Variants in NTAQ1 observed in about 807,000 individuals in gnomAD.
The protein encoded by NTAQ1 is protein N-terminal glutamine amidohydrolase.
In NTAQ1, 21 loss-of-function variants were observed where a neutral mutation model predicts 28.2. The ratio of observed to expected loss-of-function variants is 0.74; its 90% confidence interval spans 0.53 to 1.07. The LOEUF (loss-of-function observed/expected upper bound fraction) is 1.07. Ranked by LOEUF, NTAQ1 falls within the 50% of genes least tolerant of loss-of-function variation. The pLI is 0.00. For missense variants in NTAQ1, 264 were observed against 256.6 expected (o/e 1.03, Z -0.20); for synonymous variants, 105 against 90.0 (o/e 1.17, Z -0.94).
At chr8:123,460,741 G>T (rs183746465) in intron 6 of NTAQ1, among the ~76,000 whole-genome samples, 1 of 152,330 alleles carries the variant, frequency 6.6e-6, no homozygotes, top group African/African-American at 2.4e-5. Context: ...ACCAGCTGGG[G>T]GAGACCTGCA....
intron 1 of NTAQ1, among the ~76,000 whole-genome samples, chr8:123,424,570 C>T (rs13274120): frequency 0.36 from 55,049 of 151,798 alleles, 10,101 homozygotes; most frequent in East Asian, 0.56. Flanking sequence ...AATAGGGTTT[C>T]GTCATGTTGG....
At chr8:123,431,204 G>T (rs1385003070) in intron 3 of NTAQ1, among the ~76,000 whole-genome samples, 1 of 152,080 alleles carries the variant, frequency 6.6e-6, no homozygotes, top group African/African-American at 2.4e-5. Flanking sequence ...GGGTGTGATG[G>T]CGTGTGCCTG....
At chr8:123,469,503 C>A (rs546107818) in exon 7 of NTAQ1, among the ~76,000 whole-genome samples, 3 of 152,138 alleles carry the variant, frequency 2.0e-5, no homozygotes, top group Non-Finnish European at 2.9e-5. Flanking sequence ...TTGTCTTCTC[C>A]CTTCTAATGT....
downstream of NTAQ1, among the ~76,000 whole-genome samples, chr8:123,446,492 C>T (rs1436791696): frequency 2.6e-5 from 4 of 152,210 alleles, no homozygotes; most frequent in Non-Finnish European, 4.4e-5. Context: ...TAAAACTTTG[C>T]AAAACCTGGG....
chr8:123,452,270 A>C (rs1030026878), downstream of NTAQ1, among the ~76,000 whole-genome samples: 1 of 152,226 alleles, frequency 6.6e-6, no homozygotes, highest in African/African-American at 2.4e-5. Context: ...TGAGCTTTAC[A>C]GCAGGTATCT....
chr8:123,436,269 C>T (rs888499931), intron 3 of NTAQ1, among the ~76,000 whole-genome samples, 184 bp from the exon 4 acceptor site: 7 of 151,644 alleles, frequency 4.6e-5, no homozygotes, highest in Non-Finnish European at 1.0e-4. Context: ...AACCATTTCC[C>T]TATCTGTGGA....
intron 6 of NTAQ1, among the ~76,000 whole-genome samples, chr8:123,453,829 A>G (rs1815574105): frequency 6.6e-6 from 1 of 152,202 alleles, no homozygotes; most frequent in African/African-American, 2.4e-5. Context: ...TAGGAAACGT[A>G]GGCACAGTAA....
intron 3 of NTAQ1, among the ~76,000 whole-genome samples, chr8:123,432,984 G>A (rs1454446347): frequency 1.3e-5 from 2 of 152,060 alleles, no homozygotes; most frequent in South Asian, 2.1e-4. Flanking sequence ...CTGTCCTCCT[G>A]TAATAATTTC....
chr8:123,425,973 G>A (rs562685352), intron 1 of NTAQ1, among the ~76,000 whole-genome samples: 52 of 152,286 alleles, frequency 3.4e-4, no homozygotes, highest in Middle Eastern at 3.4e-3. Flanking sequence ...GTAGTGAGCT[G>A]AGATTGTGTC....
At chr8:123,456,125 T>C (rs1463758652) in intron 6 of NTAQ1, among the ~76,000 whole-genome samples, 3 of 152,218 alleles carry the variant, frequency 2.0e-5, no homozygotes, top group African/African-American at 7.2e-5. Flanking sequence ...TTTAGGTTCT[T>C]GCATCTCCAA....
rs1815073128 is a variant in NTAQ1, at chr8:123,441,587, CTTTTG to C, written c.*178_*182del. 2 of 648,106 alleles carry C rather than the reference CTTTTG, an allele frequency of 3.1e-6. No individual in the cohort carries two copies. The highest frequency in any genetic ancestry group is 2.2e-5 in the South Asian group (1 of 46,246). The allele number at this position is 648,106 out of a possible 1,614,324, so 40.1% of individuals were successfully genotyped here. ...CAAATATAAATGAACAACATAAAAA[CTTTTG>C]TTTTGACATGTCAAATTGAAACTTG... On this transcript the variant is annotated 3_prime_UTR_variant, in exon 6 of 6. Transcript: ENST00000287387.
chr8:123,443,172 A>C (rs545880188), downstream of NTAQ1, among the ~76,000 whole-genome samples: 107 of 151,934 alleles, frequency 7.0e-4, no homozygotes, highest in African/African-American at 2.6e-3. Flanking sequence ...GGTGTGTACC[A>C]CCATGCCCAG....
intron 1 of NTAQ1, among the ~76,000 whole-genome samples, chr8:123,424,072 GTTT>G (rs35733686): frequency 1.2e-5 from 1 of 85,860 alleles, no homozygotes; most frequent in Admixed American, 1.7e-4. Context: ...ATTTTTATGC[GTTT>G]TTTTTTTTTT....
At chr8:123,451,044 T>C (rs1334617787), downstream of NTAQ1, among the ~76,000 whole-genome samples, 1 of 152,224 alleles carries the variant, frequency 6.6e-6, no homozygotes, top group Non-Finnish European at 1.5e-5. Context: ...CTGCTACTGC[T>C]GGCCCATTCC....
chr8:123,437,197 G>A lies in NTAQ1; in HGVS notation c.384-13G>A. ...CATCTCCCTAATGTGAGTGTATATTGATTTTTCTGCAGGAAATTTAGAGTG... is the reference window on the plus strand; with the variant it reads ...CATCTCCCTAATGTGAGTGTATATTAATTTTTCTGCAGGAAATTTAGAGTG... On this transcript the variant is annotated splice_polypyrimidine_tract_variant and intron_variant, in intron 4 of 5. Coordinates refer to ENST00000287387, the MANE Select transcript of NTAQ1 (RefSeq NM_018024.3). 6.2e-7 allele frequency: 1 copy of A among 1,613,356 alleles called. No individual in the cohort carries two copies. Among genetic ancestry groups the A allele is most frequent in the African/African-American group, 1.3e-5 (1 of 75,002 alleles).
intron 6 of NTAQ1, among the ~76,000 whole-genome samples, chr8:123,464,945 C>T (rs906836033): frequency 6.6e-6 from 1 of 151,964 alleles, no homozygotes; most frequent in African/African-American, 2.4e-5. Context: ...GGCTGAGGCA[C>T]GAGAATCACT....
chr8:123,436,680 A>C (rs1411566157), intron 4 of NTAQ1, 79 bp downstream of exon 4: 3 of 1,476,324 alleles, frequency 2.0e-6, no homozygotes, highest in Non-Finnish European at 2.8e-6. Flanking sequence ...TTTTTTTTTG[A>C]CAATTGTTTT....
intron 1 of NTAQ1, among the ~76,000 whole-genome samples, chr8:123,417,828 C>T (rs1813398397): frequency 6.6e-6 from 1 of 152,088 alleles, no homozygotes; most frequent in Admixed American, 6.6e-5. Context: ...TTATCGTTAT[C>T]CTCATTTTAC....
chr8:123,460,153 A>G (rs1006327819), intron 6 of NTAQ1, among the ~76,000 whole-genome samples: 5 of 152,212 alleles, frequency 3.3e-5, no homozygotes, highest in Middle Eastern at 3.2e-3. Flanking sequence ...CTTTAAAAAA[A>G]AAATCTTAAA....
Sources: gnomAD v4.1 joint callset for allele counts (sites outside exome capture counted in the v4.1 genomes callset) on GRCh38, gnomAD v4.1.1 for gene constraint, MANE v1.5 for transcripts, NCBI Gene and HGNC (gene_info 2026-07-23, HGNC 2026-07-21) for gene names.